CEP112: variants seen among roughly 807,000 people sequenced by gnomAD.
CEP112 encodes the protein centrosomal protein of 112 kDa.
Under a neutral mutation model 153.0 loss-of-function variants are expected in CEP112, and 127 were observed. The observed-to-expected ratio is 0.83, with a 90% confidence interval of 0.72 to 0.96. The LOEUF (loss-of-function observed/expected upper bound fraction) is 0.96. Ranked by LOEUF, CEP112 falls within the 40% of genes least tolerant of loss-of-function variation. The pLI, the probability that CEP112 is intolerant of heterozygous loss-of-function variation, is 0.00. For missense variants in CEP112, 1,089 were observed against 1,101.2 expected, an observed-to-expected ratio of 0.99 and a Z score of 0.16; for synonymous variants, 358 against 374.4, an observed-to-expected ratio of 0.96 and a Z score of 0.51.
At chr17:66,129,653 T>A in intron 6 of CEP112, 93 bp downstream of exon 6, 2 of 882,418 alleles carry the variant, frequency 2.3e-6, no homozygotes, top group African/African-American at 3.4e-5. Flanking sequence ...CATCCAACGT[T>A]CACTGAATAA....
intron 20 of CEP112, chr17:65,873,460 C>T (rs1326161833): frequency 6.6e-6 from 1 of 152,140 alleles, no homozygotes; most frequent in Admixed American, 6.5e-5. Context: ...TCTGACCCAT[C>T]ATCTGACTCT....
chr17:65,979,079 A>G (rs2063135000), intron 17 of CEP112, among the ~76,000 whole-genome samples: 1 of 152,114 alleles, frequency 6.6e-6, no homozygotes, highest in South Asian at 2.1e-4. Context: ...TAAACTGGAA[A>G]CCTTGCCTGC....
intron 17 of CEP112, among the ~76,000 whole-genome samples, chr17:65,998,686 T>C (rs1472205069): frequency 6.6e-6 from 1 of 151,998 alleles, no homozygotes; most frequent in East Asian, 1.9e-4. Context: ...ATATTAATAA[T>C]ACATATATAA....
rs1366983585 is a variant in CEP112 at position 65,778,251 on chromosome 17, A to G, written c.2395-27527T>C. ...ATATCCCAAGACCAACACACAACAC[A>G]ACCAATAACTGCTGAATGAATGGAG... is the stretch of plus-strand genomic sequence containing the variant. On this transcript the variant is annotated intron_variant, in intron 21 of 26. Transcript: ENST00000535342. Among the ~76,000 whole-genome samples the G allele has an allele frequency of 1.3e-4, 20 of 152,308 alleles. No individual in the cohort carries two copies. In the East Asian group the frequency reaches 3.9e-3, roughly 29 times the overall value.
intron 8 of CEP112, among the ~76,000 whole-genome samples, chr17:66,073,224 C>T (rs2067365201): frequency 6.6e-6 from 1 of 152,140 alleles, no homozygotes; most frequent in African/African-American, 2.4e-5. Flanking sequence ...TAACCATTCT[C>T]AAGTATTGGA....
intron 23 of CEP112, among the ~76,000 whole-genome samples, chr17:65,722,847 G>C (rs573099691): frequency 6.6e-6 from 1 of 152,344 alleles, no homozygotes; most frequent in South Asian, 2.1e-4. Flanking sequence ...AGACAAGTCT[G>C]ATATTTGAAG....
intron 23 of CEP112, among the ~76,000 whole-genome samples, chr17:65,697,380 C>G (rs984571558): frequency 6.6e-6 from 1 of 152,108 alleles, no homozygotes; most frequent in Non-Finnish European, 1.5e-5. Flanking sequence ...ATTAACTGGG[C>G]TGATAATATT....
At chr17:65,715,841 G>C (rs2049477973) in intron 23 of CEP112, among the ~76,000 whole-genome samples, 2 of 152,152 alleles carry the variant, frequency 1.3e-5, no homozygotes, top group Non-Finnish European at 2.9e-5. Flanking sequence ...CCGATCAGGG[G>C]AGTTAGGGGG....
chr17:65,913,547 T>C, intron 19 of CEP112: 1 of 985,336 alleles, frequency 1.0e-6, no homozygotes, highest in Non-Finnish European at 1.2e-6. Context: ...GGGATGGCCA[T>C]GTGGCTCCCA....
intron 20 of CEP112, among the ~76,000 whole-genome samples, chr17:65,898,502 A>G (rs1376566908): frequency 2.0e-5 from 3 of 152,154 alleles, no homozygotes; most frequent in South Asian, 2.1e-4. Context: ...GGAATCAGTG[A>G]TAAGTTCAGC....
intron 12 of CEP112, among the ~76,000 whole-genome samples, chr17:66,038,384 C>G (rs1224859498): frequency 6.6e-6 from 1 of 151,972 alleles, no homozygotes; most frequent in Non-Finnish European, 1.5e-5. Context: ...TTTCTGAACA[C>G]TAATGTTCTA....
chr17:65,943,858 AG>A (rs2061572803), intron 18 of CEP112, among the ~76,000 whole-genome samples: 1 of 152,120 alleles, frequency 6.6e-6, no homozygotes, highest in Non-Finnish European at 1.5e-5. Flanking sequence ...AATCAGTCAT[AG>A]GTTTGGTCTT....
intron 20 of CEP112, among the ~76,000 whole-genome samples, chr17:65,852,756 T>C (rs11656577): frequency 0.33 from 50,429 of 151,534 alleles, 9,908 homozygotes; most frequent in Middle Eastern, 0.48. Flanking sequence ...TTTTATTGAT[T>C]GATTTCTGCT....
Position 65,886,339 on chromosome 17 carries a change from A to G in CEP112, c.2163+15813T>C, listed in dbSNP as rs2059276672. Among the ~76,000 whole-genome samples the G allele has an allele frequency of 2.0e-5, 3 of 152,226 alleles. No individual in the cohort carries two copies. In the South Asian group the frequency reaches 6.2e-4, roughly 31 times the overall value. Reference sequence around the variant, plus strand: ...AAGTTGCCATAAAAGAGCTTGCCAGAGAGGTGAAGCAGCTTTTTAATGGCT... The same window carrying G: ...AAGTTGCCATAAAAGAGCTTGCCAGGGAGGTGAAGCAGCTTTTTAATGGCT... On this transcript the variant is annotated intron_variant, in intron 20 of 26. Coordinates refer to ENST00000535342, the MANE Select transcript of CEP112 (RefSeq NM_001199165.4).
At chr17:66,094,595 A>G (rs1278373180) in intron 8 of CEP112, among the ~76,000 whole-genome samples, 1 of 152,142 alleles carries the variant, frequency 6.6e-6, no homozygotes, top group Non-Finnish European at 1.5e-5. Flanking sequence ...CTGGGCAATG[A>G]TGTTTTGGAT....
chr17:66,164,256 T>C (rs1598473617), intron 4 of CEP112, among the ~76,000 whole-genome samples: 2 of 152,286 alleles, frequency 1.3e-5, no homozygotes, highest in Admixed American at 6.5e-5. Context: ...GTATAAAAGA[T>C]TGTCAAATTA....
At chr17:65,660,883 CT>C (rs1291085109) in intron 24 of CEP112, among the ~76,000 whole-genome samples, 2 of 152,058 alleles carry the variant, frequency 1.3e-5, no homozygotes, top group Non-Finnish European at 2.9e-5. Context: ...TGTCACCATC[CT>C]GCTTCTAGTT....
chr17:65,939,561 C>CA (rs1367015923), intron 18 of CEP112, among the ~76,000 whole-genome samples: 3 of 152,078 alleles, frequency 2.0e-5, no homozygotes, highest in Admixed American at 2.0e-4. Flanking sequence ...GCCAGAGGAA[C>CA]AGGATAGAGT....
chr17:66,117,032 A>T (rs565816465), intron 6 of CEP112, among the ~76,000 whole-genome samples: 1 of 152,090 alleles, frequency 6.6e-6, no homozygotes, highest in South Asian at 2.1e-4. Flanking sequence ...ATGCCTAGCT[A>T]ATTTTTGTAT....
Sources: allele counts gnomAD v4.1 joint callset (sites outside exome capture counted in the v4.1 genomes callset), GRCh38; gene constraint gnomAD v4.1.1; transcripts MANE v1.5; gene names NCBI Gene and HGNC (gene_info 2026-07-23, HGNC 2026-07-21).